Variants in AOAH observed in about 807,000 individuals in gnomAD.
The protein encoded by AOAH is acyloxyacyl hydrolase (neutrophil).
AOAH carries 64 observed loss-of-function variants against 92.2 expected under a neutral mutation model. That is an observed-to-expected ratio of 0.69 (90% CI 0.57 to 0.86). AOAH has a LOEUF of 0.86. Ranked by LOEUF, AOAH falls within the 40% of genes least tolerant of loss-of-function variation. The pLI is 0.00. For missense variants in AOAH, 656 were observed against 694.6 expected, an observed-to-expected ratio of 0.94 and a Z score of 0.62; for synonymous variants, 263 against 254.5, an observed-to-expected ratio of 1.03 and a Z score of -0.32.
intron 11 of AOAH, among the ~76,000 whole-genome samples, chr7:36,598,919 G>A (rs1405599708): frequency 6.6e-6 from 1 of 152,140 alleles, no homozygotes; most frequent in East Asian, 1.9e-4. Context: ...TTCCTCTTGA[G>A]CATTTATGTT....
intron 1 of AOAH, among the ~76,000 whole-genome samples, chr7:36,716,870 G>A (rs1799218259): frequency 6.6e-6 from 1 of 151,900 alleles, no homozygotes; most frequent in South Asian, 2.1e-4. Context: ...TATACCTAAT[G>A]TTAAATGATG....
chr7:36,621,737 C>T lies in AOAH; in HGVS notation c.626G>A (p.Ser209Asn), dbSNP rs1247831875. The change falls in exon 8 of 21, where the codon AGC (serine) becomes AAC (asparagine). Residue 209 changes from serine (S) to asparagine (N), a missense_variant. Transcript: ENST00000617537. ...YHWRGRDCND[S>N]DESVYPGRRP... ...TCTACCTGGGTACACTGACTCGTCG[C>T]TGTCATTACAGTCTCTCCCCCGCCA... 6.2e-6 allele frequency: 10 copies of T among 1,613,994 alleles called. No homozygotes were observed. The Admixed American group carries it at 1.2e-4, about 19-fold the overall frequency.
At chr7:36,694,101 C>T (rs769933782) in intron 1 of AOAH, among the ~76,000 whole-genome samples, 31 of 152,254 alleles carry the variant, frequency 2.0e-4, no homozygotes, top group East Asian at 5.8e-4. Flanking sequence ...TATAAAAATA[C>T]GTTAAATCAA....
At chr7:36,570,469 G>T (rs1249404523) in intron 13 of AOAH, among the ~76,000 whole-genome samples, 1 of 152,200 alleles carries the variant, frequency 6.6e-6, no homozygotes, top group Non-Finnish European at 1.5e-5. Flanking sequence ...ATGAACACAG[G>T]AGTGCACATA....
At chr7:36,641,223 G>A (rs1438531130) in intron 4 of AOAH, among the ~76,000 whole-genome samples, 1 of 152,172 alleles carries the variant, frequency 6.6e-6, no homozygotes, top group African/African-American at 2.4e-5. Context: ...CTCATGCATG[G>A]CTTTCTTGTT....
At chr7:36,629,410 A>G (rs1231027415) in intron 6 of AOAH, among the ~76,000 whole-genome samples, 1 of 152,070 alleles carries the variant, frequency 6.6e-6, no homozygotes, top group Non-Finnish European at 1.5e-5. Flanking sequence ...TGCATTCAAC[A>G]GGGAGGGGGC....
At chr7:36,594,483 G>C (rs1264456094) in intron 11 of AOAH, 53 bp from the exon 12 acceptor site, 4 of 1,477,182 alleles carry the variant, frequency 2.7e-6, no homozygotes, top group Non-Finnish European at 3.8e-6. Context: ...ATTTTCTAAA[G>C]GTAGTAAGAA....
chr7:36,529,188 C>T (rs1784553882), intron 19 of AOAH, among the ~76,000 whole-genome samples: 1 of 151,806 alleles, frequency 6.6e-6, no homozygotes, highest in African/African-American at 2.4e-5. Context: ...TGCCTGCAGT[C>T]CCAGAGATAA....
At chr7:36,595,970 C>G (rs184550784) in intron 11 of AOAH, among the ~76,000 whole-genome samples, 1 of 152,302 alleles carries the variant, frequency 6.6e-6, no homozygotes, top group African/African-American at 2.4e-5. Context: ...ATGGCACATG[C>G]CCCTGGCCTC....
At chr7:36,667,327 A>G (rs571135706) in intron 3 of AOAH, among the ~76,000 whole-genome samples, 34 of 152,306 alleles carry the variant, frequency 2.2e-4, no homozygotes, top group African/African-American at 3.4e-4. Context: ...TGTATACACT[A>G]TCTACTTGTC....
chr7:36,684,734 C>T (rs1373494423), intron 2 of AOAH, among the ~76,000 whole-genome samples: 1 of 151,258 alleles, frequency 6.6e-6, no homozygotes. Flanking sequence ...GCCTTGGCAA[C>T]ACAGAGAGAC....
At chr7:36,579,371 C>T (rs113338618) in intron 12 of AOAH, among the ~76,000 whole-genome samples, 13,137 of 132,042 alleles carry the variant, frequency 0.099, 687 homozygotes, top group Admixed American at 0.17. Context: ...TCCTGAACCC[C>T]GCCCCCCCCA....
At chr7:36,558,798 C>G (rs968539640) in intron 13 of AOAH, among the ~76,000 whole-genome samples, 1 of 152,262 alleles carries the variant, frequency 6.6e-6, no homozygotes, top group Non-Finnish European at 1.5e-5. Context: ...GATATAATCT[C>G]CTGGTGCGCT....
intron 1 of AOAH, among the ~76,000 whole-genome samples, chr7:36,695,039 A>G (rs1797631226): frequency 6.6e-6 from 1 of 152,218 alleles, no homozygotes; most frequent in Non-Finnish European, 1.5e-5. Flanking sequence ...TTCAACTGAC[A>G]ACAAATGCTT....
intron 20 of AOAH, among the ~76,000 whole-genome samples, chr7:36,519,125 C>T (rs1583712928): frequency 1.3e-5 from 2 of 152,312 alleles, no homozygotes; most frequent in East Asian, 3.9e-4. Context: ...ACACGTTGGG[C>T]TATTTCTTTC....
Position 36,696,934 on chromosome 7 carries a change from G to T in AOAH, c.128-10140C>A, listed in dbSNP as rs527809873. On this transcript the variant is annotated intron_variant, in intron 1 of 20. Transcript: ENST00000617537. ...CTAAACTCGCTTATCAGTTCTAGTAGTTTTTTTTGTAGATACCTTAGGATT... is the reference window on the plus strand; with the variant it reads ...CTAAACTCGCTTATCAGTTCTAGTATTTTTTTTTGTAGATACCTTAGGATT... Among the ~76,000 whole-genome samples, 578 of 151,832 alleles carry T rather than the reference G, an allele frequency of 3.8e-3. 2 individuals are homozygous for T. Among genetic ancestry groups the T allele is most frequent in the Non-Finnish European group, 6.7e-3 (457 of 67,902 alleles).
chr7:36,594,674 T>C (rs78730945), intron 11 of AOAH: 13,574 of 541,428 alleles, frequency 0.025, 257 homozygotes, highest in Middle Eastern at 0.068. Context: ...GCAGAACATT[T>C]GGCATCTCAA....
chr7:36,679,740 C>T (rs1382621383), intron 2 of AOAH, among the ~76,000 whole-genome samples: 2 of 152,132 alleles, frequency 1.3e-5, no homozygotes, highest in Non-Finnish European at 1.5e-5. Context: ...TCACTGCAAC[C>T]TCCACCTCCA....
chr7:36,611,321 T>C (rs1791442308), intron 11 of AOAH, among the ~76,000 whole-genome samples: 1 of 152,192 alleles, frequency 6.6e-6, no homozygotes, highest in African/African-American at 2.4e-5. Flanking sequence ...CAATGAACTG[T>C]TATGCCTGAT....
Sources: allele counts gnomAD v4.1 joint callset (sites outside exome capture counted in the v4.1 genomes callset), GRCh38; gene constraint gnomAD v4.1.1; transcripts MANE v1.5; gene names NCBI Gene and HGNC (gene_info 2026-07-23, HGNC 2026-07-21).